Variants in RAB38 observed in about 807,000 individuals in gnomAD.
RAB38 encodes the protein RAB38, member RAS oncogene family, also known as ras-related protein Rab-38.
A neutral mutation model predicts 18.4 loss-of-function variants in RAB38; 15 were observed. The observed-to-expected ratio is 0.82, with a 90% CI of 0.55 to 1.26. The LOEUF is 1.26. Ranked by LOEUF, RAB38 falls within the 50% of genes most tolerant of loss-of-function variation. The probability of loss-of-function intolerance (pLI) is 0.00; values close to 1 mark genes in which losing one functional copy is unlikely to be tolerated. For synonymous variants in RAB38, 101 were observed against 104.4 expected, an observed-to-expected ratio of 0.97 and a Z score of 0.20; for missense variants, 294 against 267.4, an observed-to-expected ratio of 1.10 and a Z score of -0.69.
At chr11:88,031,299 T>C in the RAB38 span, among the ~76,000 whole-genome samples, 1 of 150,676 alleles carries the variant, frequency 6.6e-6, no homozygotes, top group Non-Finnish European at 1.5e-5. Context: ...ACTGGAAGCA[T>C]TCCCTTTGAA....
chr11:88,057,648 A>G, the RAB38 span, among the ~76,000 whole-genome samples: 1 of 152,112 alleles, frequency 6.6e-6, no homozygotes, highest in Non-Finnish European at 1.5e-5. Flanking sequence ...CAGAGTAGGG[A>G]GCTCGGAGGT....
the RAB38 span, among the ~76,000 whole-genome samples, chr11:88,019,955 A>C: frequency 1.3e-5 from 2 of 152,236 alleles, no homozygotes; most frequent in South Asian, 4.1e-4. Flanking sequence ...CTTCTCTCTA[A>C]TTCAGCACTG....
chr11:87,923,706 T>C, the RAB38 span, among the ~76,000 whole-genome samples: 3 of 151,900 alleles, frequency 2.0e-5, no homozygotes, highest in African/African-American at 7.2e-5. Flanking sequence ...GTGCTTTGGA[T>C]GCATTTAATG....
chr11:88,028,733 A>C, the RAB38 span, among the ~76,000 whole-genome samples: 2 of 152,198 alleles, frequency 1.3e-5, no homozygotes, highest in African/African-American at 4.8e-5. Flanking sequence ...ACTATGTGAA[A>C]AGACCAAATC....
At chr11:87,922,571 A>AT in the RAB38 span, among the ~76,000 whole-genome samples, 32,797 of 151,712 alleles carry the variant, frequency 0.22, 4,366 homozygotes, top group African/African-American at 0.37. Context: ...ACCTGAAAAA[A>AT]ATATATATAA....
chr11:87,829,508 G>A, the RAB38 span, among the ~76,000 whole-genome samples: 2 of 152,126 alleles, frequency 1.3e-5, no homozygotes, highest in Admixed American at 1.3e-4. Context: ...AGGGGAGAGA[G>A]AGTGACCAAG....
chr11:87,967,397 C>T, the RAB38 span, among the ~76,000 whole-genome samples: 2 of 152,120 alleles, frequency 1.3e-5, no homozygotes, highest in African/African-American at 4.8e-5. Flanking sequence ...GGGTCAATAG[C>T]TGTACTGCCC....
chr11:87,856,325 T>C, the RAB38 span, among the ~76,000 whole-genome samples: 3 of 152,146 alleles, frequency 2.0e-5, no homozygotes, highest in African/African-American at 4.8e-5. Flanking sequence ...CTCTGTCCTA[T>C]AGGAATCTTT....
chr11:87,827,777 A>C, the RAB38 span, among the ~76,000 whole-genome samples: 2 of 152,218 alleles, frequency 1.3e-5, no homozygotes, highest in African/African-American at 2.4e-5. Flanking sequence ...CACTGAATTT[A>C]TCTCTTCTCA....
At chr11:87,937,744 G>T in the RAB38 span, among the ~76,000 whole-genome samples, 1 of 151,922 alleles carries the variant, frequency 6.6e-6, no homozygotes, top group African/African-American at 2.4e-5. Flanking sequence ...TTTAGGTTTA[G>T]ATGTAAAATC....
the RAB38 span, chr11:88,050,216 T>C: frequency 6.6e-6 from 1 of 152,208 alleles, no homozygotes; most frequent in African/African-American, 2.4e-5. Context: ...TAGAAAAAAC[T>C]GTGACATTGT....
chr11:88,047,796 C>T, the RAB38 span, among the ~76,000 whole-genome samples: 1 of 152,174 alleles, frequency 6.6e-6, no homozygotes, highest in Non-Finnish European at 1.5e-5. Context: ...TTATATCCCT[C>T]ACTTTCAGTT....
At chr11:87,871,288 T>A in the RAB38 span, among the ~76,000 whole-genome samples, 1 of 151,710 alleles carries the variant, frequency 6.6e-6, no homozygotes, top group South Asian at 2.1e-4. Context: ...CCCTACCGTC[T>A]GCCACCAGTT....
At chr11:87,941,214 G>GATATATATATATAT in the RAB38 span, among the ~76,000 whole-genome samples, 2,171 of 62,284 alleles carry the variant, frequency 0.035, 167 homozygotes, top group African/African-American at 0.061. Context: ...AAATATATGA[G>GATATATATATATAT]ATATATATAT....
the RAB38 span, among the ~76,000 whole-genome samples, chr11:87,931,927 C>T: frequency 4.7e-5 from 7 of 149,992 alleles, no homozygotes; most frequent in East Asian, 1.2e-3. Flanking sequence ...GATATTTGGA[C>T]AATGCACAGG....
chr11:87,916,548 C>G, the RAB38 span, among the ~76,000 whole-genome samples: 17 of 152,172 alleles, frequency 1.1e-4, no homozygotes, highest in South Asian at 3.5e-3. Flanking sequence ...GCACATGGAC[C>G]TCACTAGATA....
the RAB38 span, among the ~76,000 whole-genome samples, chr11:87,926,257 G>T: frequency 2.4e-3 from 368 of 152,014 alleles, 2 homozygotes; most frequent in Non-Finnish European, 3.9e-3. Flanking sequence ...TGCTTCAAAA[G>T]CTTCAAACCT....
At chr11:88,012,026 C>A in the RAB38 span, among the ~76,000 whole-genome samples, 1 of 152,182 alleles carries the variant, frequency 6.6e-6, no homozygotes, top group African/African-American at 2.4e-5. Context: ...AACAGTGTGA[C>A]ATTCACCTGA....
the RAB38 span, among the ~76,000 whole-genome samples, chr11:87,911,844 G>A: frequency 1.3e-5 from 2 of 151,730 alleles, no homozygotes; most frequent in African/African-American, 4.8e-5. Flanking sequence ...TAATGTTAGG[G>A]GAAAGTTGTT....
Sources: gnomAD v4.1 joint callset for allele counts (sites outside exome capture counted in the v4.1 genomes callset) on GRCh38, gnomAD v4.1.1 for gene constraint, MANE v1.5 for transcripts, NCBI Gene and HGNC (gene_info 2026-07-23, HGNC 2026-07-21) for gene names.